Variants in ZNF516 observed in about 807,000 individuals in gnomAD.
The protein encoded by ZNF516 is zinc finger protein 516.
Under a neutral mutation model 79.7 loss-of-function variants are expected in ZNF516, and 19 were observed. The ratio of observed to expected loss-of-function variants is 0.24; its 90% CI spans 0.17 to 0.35. The LOEUF is 0.35. Among genes scored for constraint, ZNF516 ranks in the 10% least tolerant of loss-of-function variants. The pLI is 1.00. For synonymous variants in ZNF516, 877 were observed against 739.5 expected (o/e 1.19, Z -3.02); for missense variants, 1,678 against 1,679.5 (o/e 1.00, Z 0.02).
intron 4 of ZNF516, among the ~76,000 whole-genome samples, chr18:76,374,993 C>A (rs1468347124): frequency 6.6e-6 from 1 of 152,156 alleles, no homozygotes; most frequent in Non-Finnish European, 1.5e-5. Flanking sequence ...AAAGAAACAG[C>A]TGAACAGAAA....
intron 2 of ZNF516, among the ~76,000 whole-genome samples, chr18:76,458,881 G>C (rs1350283234): frequency 6.6e-6 from 1 of 152,136 alleles, no homozygotes; most frequent in Non-Finnish European, 1.5e-5. Context: ...TCACCGTCGT[G>C]TGTGTGCGTG....
At chr18:76,431,082 C>G (rs943585737) in intron 3 of ZNF516, among the ~76,000 whole-genome samples, 1 of 152,122 alleles carries the variant, frequency 6.6e-6, no homozygotes, top group Admixed American at 6.5e-5. Flanking sequence ...TATGCAAAGG[C>G]TTATGCAAAT....
intron 1 of ZNF516, among the ~76,000 whole-genome samples, chr18:76,474,399 A>G (rs1261662595): frequency 6.6e-6 from 1 of 152,216 alleles, no homozygotes; most frequent in Non-Finnish European, 1.5e-5. Flanking sequence ...ATACAGTACC[A>G]TGACACTAAA....
intron 3 of ZNF516, among the ~76,000 whole-genome samples, chr18:76,398,471 A>G (rs994708965): frequency 1.3e-5 from 2 of 152,228 alleles, no homozygotes; most frequent in African/African-American, 4.8e-5. Flanking sequence ...CAAAGGCCGT[A>G]CATGAAGTCT....
At position 76,441,931 on chromosome 18, in the gene ZNF516, C is replaced by A. The variant is rs1301943053; in HGVS notation, c.1124G>T (p.Gly375Val). ...GAAGAACTGCTTGGTGTCCGAGGGCCCCTCCGCCCCCTCCTCGGCCGGGGC... is the reference window on the plus strand; with the variant it reads ...GAAGAACTGCTTGGTGTCCGAGGGCACCTCCGCCCCCTCCTCGGCCGGGGC... ...TRAPAEEGAEGPSDTKQFFLQ... is the reference protein window; with the variant it reads ...TRAPAEEGAEVPSDTKQFFLQ... The change falls in exon 3 of 7, where the codon GGG becomes GTG. Residue 375 changes from glycine (G) to valine (V), a missense_variant. Around this residue, in one of 5 missense-constraint regions of ZNF516, gnomAD observed 1,294 missense variants for 1,248.3 expected, o/e 1.04. Transcript: ENST00000443185. 6.2e-7 allele frequency: 1 copy of A among 1,608,386 alleles called. No individual in the cohort carries two copies. Among genetic ancestry groups the A allele is most frequent in the Non-Finnish European group, 8.5e-7 (1 of 1,178,732 alleles).
At chr18:76,479,362 A>G (rs575365696) in intron 1 of ZNF516, among the ~76,000 whole-genome samples, 10 of 152,340 alleles carry the variant, frequency 6.6e-5, no homozygotes, top group African/African-American at 2.2e-4. Flanking sequence ...TCAATCCATC[A>G]TGATTTCCTT....
At chr18:76,424,362 C>A (rs2075558325) in intron 3 of ZNF516, among the ~76,000 whole-genome samples, 1 of 72,024 alleles carries the variant, frequency 1.4e-5, no homozygotes. Context: ...CCCTGAAACA[C>A]CCACACGCAG....
intron 3 of ZNF516, among the ~76,000 whole-genome samples, chr18:76,410,945 A>C (rs1266910048): frequency 6.6e-6 from 1 of 152,236 alleles, no homozygotes; most frequent in African/African-American, 2.4e-5. Flanking sequence ...GCCTTTCAAT[A>C]TATCAATGAG....
chr18:76,401,773 T>C (rs868642253), intron 3 of ZNF516, among the ~76,000 whole-genome samples: 15 of 222 alleles, frequency 0.068, no homozygotes, highest in Admixed American at 0.3. Context: ...GCGCTCCATC[T>C]CTCCACCAAC....
At chr18:76,454,135 G>C (rs558716751) in intron 2 of ZNF516, among the ~76,000 whole-genome samples, 61 of 152,326 alleles carry the variant, frequency 4.0e-4, no homozygotes, top group Non-Finnish European at 7.8e-4. Context: ...TAAGCCATAA[G>C]GCATTCTGTT....
In ZNF516 at chr18:76,488,484, T is replaced by TA. The variant is rs556308537; in HGVS notation, c.-272+6659dup. ...TATTCCTTGGACTACGTTCAGTAGATAGACAACTGAACTTTTCCCACAGCT... is the reference window on the plus strand; with the variant it reads ...TATTCCTTGGACTACGTTCAGTAGATAAGACAACTGAACTTTTCCCACAGCT... On this transcript the variant is annotated intron_variant, in intron 1 of 6. Transcript: ENST00000443185. Among the ~76,000 whole-genome samples the TA allele has an allele frequency of 3.1e-5, 4 of 130,434 alleles. No individual in the cohort carries two copies. The South Asian group carries it at 9.2e-4, about 30-fold the overall frequency. 85.6% of individuals were successfully genotyped at this position (130,434 alleles called of 152,430 possible).
At position 76,404,641 on chromosome 18, in the gene ZNF516, A is replaced by G. The variant is rs546420890; in HGVS notation, c.1811-24338T>C. Among the ~76,000 whole-genome samples the G allele has an allele frequency of 3.9e-5, 6 of 152,216 alleles. No homozygotes were observed. The South Asian group carries it at 6.2e-4, about 16-fold the overall frequency. ...TAAGTATGAGTGCACCTGTGTGAGG[A>G]TGCATGTGCATGTGTACATGGGTGA... On this transcript the variant is annotated intron_variant, in intron 3 of 6. Transcript: ENST00000443185.
chr18:76,448,845 T>TA (rs1912224233), intron 2 of ZNF516, among the ~76,000 whole-genome samples: 2 of 152,224 alleles, frequency 1.3e-5, no homozygotes, highest in African/African-American at 4.8e-5. Flanking sequence ...GGAAGCATAC[T>TA]ATTATCAAAG....
rs1272162218 is a variant in ZNF516 at position 76,359,728 on chromosome 18, T to C, written c.*2770A>G. The C allele has an allele frequency of 6.6e-6, 1 of 151,838 alleles. No homozygotes were observed. The highest frequency in any genetic ancestry group is 1.5e-5 in the Non-Finnish European group (1 of 68,008). 9.4% of individuals were successfully genotyped at this position (151,838 alleles called of 1,614,324 possible). ...TTAGACGCAACACTGTAAAAAATCC[T>C]GTTAAGAAACAAGGAAACAGCAGAT... is the stretch of plus-strand genomic sequence containing the variant. On this transcript the variant is annotated 3_prime_UTR_variant, in exon 7 of 7. Transcript: ENST00000443185.
Position 76,441,706 on chromosome 18 carries a change from T to A in ZNF516, c.1349A>T (p.Asp450Val), listed in dbSNP as rs2075825646. ...CAGGACGTACTCGCGCCTGTCCTTGTCGAAGGCCACGTCCCCGGCCAGCGC... is the reference window on the plus strand; with the variant it reads ...CAGGACGTACTCGCGCCTGTCCTTGACGAAGGCCACGTCCCCGGCCAGCGC... ...DEALAGDVAF[D>V]KDRREYVLVS... The change falls in exon 3 of 7, where the codon GAC becomes GTC. Residue 450 changes from aspartate to valine, a missense_variant. Physicochemically the swap from Asp to Val is radical, Grantham distance 152. This residue lies in a region of ZNF516 where 1,294 missense variants were observed against 1,248.3 expected (regional missense o/e 1.04). Transcript: ENST00000443185. The A allele has an allele frequency of 6.4e-7, 1 of 1,571,432 alleles. No individual in the cohort carries two copies. Among genetic ancestry groups the A allele is most frequent in the African/African-American group, 1.4e-5 (1 of 74,072 alleles).
Position 76,370,538 on chromosome 18 carries a change from G to A in ZNF516, c.3422C>T (p.Ala1141Val). 1 of 1,607,352 alleles carries A rather than the reference G, an allele frequency of 6.2e-7. No individual in the cohort carries two copies. The highest frequency in any genetic ancestry group is 8.5e-7 in the Non-Finnish European group (1 of 1,176,536). The change falls in exon 6 of 7, where the codon GCC becomes GTC. Residue 1141 changes from alanine (A) to valine (V), a missense_variant. Physicochemically the swap from Ala to Val is moderately conservative, Grantham distance 64. Around this residue, in one of 5 missense-constraint regions of ZNF516, gnomAD observed 1,294 missense variants for 1,248.3 expected, o/e 1.04. Transcript: ENST00000443185. Reference sequence around the variant, plus strand: ...CATCATGAGACCTACTTGTTTGGGGGCGTCTGCGGAGGTGGTATGAACTTC... The same window carrying A: ...CATCATGAGACCTACTTGTTTGGGGACGTCTGCGGAGGTGGTATGAACTTC... The part of the protein sequence containing the change: ...GSEVHTTSAD[A>V]PKQGRDHSNT...
At chr18:76,483,502 T>C (rs898934592) in intron 1 of ZNF516, among the ~76,000 whole-genome samples, 15 of 152,228 alleles carry the variant, frequency 9.9e-5, no homozygotes, top group African/African-American at 3.6e-4. Context: ...TCGGCATCTG[T>C]CTGTCACGGG....
At chr18:76,364,574 G>A (rs1433684936) in intron 6 of ZNF516, among the ~76,000 whole-genome samples, 1 of 152,172 alleles carries the variant, frequency 6.6e-6, no homozygotes, top group Non-Finnish European at 1.5e-5. Context: ...GTGTTCTAGG[G>A]ATGGATATTG....
intron 3 of ZNF516, among the ~76,000 whole-genome samples, chr18:76,380,743 T>C (rs2074878000): frequency 1.3e-5 from 2 of 152,160 alleles, no homozygotes; most frequent in East Asian, 1.9e-4. Flanking sequence ...ACCAGAGAAG[T>C]TGGGTGGAGC....
Sources: gnomAD v4.1 joint callset for allele counts (sites outside exome capture counted in the v4.1 genomes callset) on GRCh38, gnomAD v4.1.1 for gene constraint, gnomAD v4.1.1 regional missense constraint, MANE v1.5 for transcripts, NCBI Gene and HGNC (gene_info 2026-07-23, HGNC 2026-07-21) for gene names.